Variants in SPATA3 observed in about 807,000 individuals in gnomAD.
The protein encoded by SPATA3 is spermatogenesis-associated protein 3.
A neutral mutation model predicts 5.7 loss-of-function variants in SPATA3; 6 were observed. That is an observed-to-expected ratio of 1.06 (90% CI 0.58 to 2.09). The LOEUF is 2.09. Among genes scored for constraint, SPATA3 ranks in the 30% most tolerant of loss-of-function variants. The pLI is 0.00. For missense variants in SPATA3, 155 were observed against 130.4 expected (o/e 1.19, Z -0.92); for synonymous variants, 44 against 48.4 (o/e 0.91, Z 0.37).
chr2:231,012,421 C>A (rs1318351633), intron 4 of SPATA3, among the ~76,000 whole-genome samples: 1 of 152,130 alleles, frequency 6.6e-6, no homozygotes, highest in Non-Finnish European at 1.5e-5. Context: ...CTCTGTTCTG[C>A]CCTTCTCCTG....
At chr2:231,008,717 T>C (rs895443164), downstream of SPATA3, among the ~76,000 whole-genome samples, 2 of 152,210 alleles carry the variant, frequency 1.3e-5, no homozygotes, top group Non-Finnish European at 2.9e-5. Context: ...TTCTGGCATA[T>C]TGAGGTCCCC....
In SPATA3 at chr2:231,019,546, G is replaced by A. The variant is rs111345654; in HGVS notation, c.*566-174G>A. On this transcript the variant is annotated intron_variant, in intron 6 of 8. Transcript: ENST00000452881. Reference sequence around the variant, plus strand: ...TCACCGTGTTAGCCGGGATGGTCTCGATCTCCTGACCTCGTGATTCACCCA... The same window carrying A: ...TCACCGTGTTAGCCGGGATGGTCTCAATCTCCTGACCTCGTGATTCACCCA... Among the ~76,000 whole-genome samples, 173 of 150,310 alleles carry A rather than the reference G, an allele frequency of 1.2e-3. 1 individual carries two copies. The highest frequency in any genetic ancestry group is 4.6e-3 in the East Asian group (22 of 4,824).
downstream of SPATA3, among the ~76,000 whole-genome samples, chr2:231,003,254 C>A (rs1336449316): frequency 6.6e-6 from 1 of 152,268 alleles, no homozygotes; most frequent in Non-Finnish European, 1.5e-5. Context: ...TTCTCAACCC[C>A]TGTCCTCTCC....
rs186575948 is a variant in SPATA3 at position 231,018,705 on chromosome 2, T to C, written c.*566-1015T>C. ...TTGGTTTTTCTTTTTTTTTTTGAGG[T>C]GGAGTCATCTTGCTCTGTCACCCAG... On this transcript the variant is annotated intron_variant, in intron 6 of 8. Coordinates refer to the SPATA3 transcript ENST00000452881. Among the ~76,000 whole-genome samples, 838 of 151,792 alleles carry C rather than the reference T, an allele frequency of 5.5e-3. 6 individuals carry two copies. The highest frequency in any genetic ancestry group is 0.019 in the African/African-American group (787 of 41,368).
At chr2:231,020,077 T>A (rs1693038503) in intron 7 of SPATA3, among the ~76,000 whole-genome samples, 1 of 150,458 alleles carries the variant, frequency 6.6e-6, no homozygotes, top group African/African-American at 2.4e-5. Flanking sequence ...TGAACTCATA[T>A]CTCAGGAAGA....
intron 7 of SPATA3, chr2:231,019,970 T>G (rs974688177): frequency 2.0e-5 from 3 of 150,176 alleles, no homozygotes; most frequent in Non-Finnish European, 4.4e-5. Context: ...ATGAAGTTGT[T>G]CTCTGAAGTT....
At chr2:231,001,193 T>C (rs539517526) in intron 2 of SPATA3, among the ~76,000 whole-genome samples, 7 of 152,204 alleles carry the variant, frequency 4.6e-5, no homozygotes, top group Admixed American at 3.9e-4. Context: ...AGGAGCAGTG[T>C]CATGGCTGCC....
downstream of SPATA3, among the ~76,000 whole-genome samples, chr2:231,004,956 C>G (rs1414187869): frequency 1.4e-5 from 2 of 143,780 alleles, no homozygotes; most frequent in Non-Finnish European, 3.1e-5. Context: ...ACCATTATCA[C>G]CATCATCCTC....
intron 6 of SPATA3, among the ~76,000 whole-genome samples, chr2:231,019,179 C>T (rs938286732): frequency 1.3e-4 from 19 of 151,000 alleles, no homozygotes; most frequent in African/African-American, 3.9e-4. Flanking sequence ...CCATGTTAGC[C>T]AGGATGGTCT....
rs377228718 is a variant in SPATA3 at position 231,013,875 on chromosome 2, G to T, written c.*228G>T. The T allele has an allele frequency of 7.4e-5, 11 of 148,440 alleles. No homozygotes were observed. In the South Asian group the frequency reaches 1.3e-3, roughly 17 times the overall value. The allele number at this position is 148,440 out of a possible 1,614,324, so 9.2% of individuals were successfully genotyped here. A position where few individuals can be genotyped will look rare whatever the true frequency, so the allele number is the denominator to read the frequency against. On this transcript the variant is annotated splice_region_variant and 3_prime_UTR_variant, in exon 6 of 9. Coordinates refer to the SPATA3 transcript ENST00000452881. ...ATTTCTTTTTTTTTTTTTTTTGAGG[G>T]TCTCACTCTGTCACCCAGGTTGGAG...
rs148739765 is a variant in SPATA3, at chr2:230,996,541, T to A, written c.791-3825T>A. On this transcript the variant is annotated intron_variant, in intron 1 of 2. Transcript: ENST00000645363. ...CCTCAATCCAGGAAAGCAGGTGGGC[T>A]GTCTTCTAGCTTCAGCAGTTCCAGC... 729 of 1,551,218 alleles carry A rather than the reference T, an allele frequency of 4.7e-4. 4 individuals are homozygous for A. In the African/African-American group the frequency reaches 9.2e-3, roughly 19 times the overall value.
chr2:231,008,096 G>C (rs991349318), downstream of SPATA3, among the ~76,000 whole-genome samples: 1 of 152,246 alleles, frequency 6.6e-6, no homozygotes, highest in Admixed American at 6.5e-5. Flanking sequence ...ATTGAGGGCA[G>C]CTGAAGCCTG....
At chr2:231,004,301 C>T (rs1692458083), downstream of SPATA3, among the ~76,000 whole-genome samples, 1 of 152,118 alleles carries the variant, frequency 6.6e-6, no homozygotes, top group Non-Finnish European at 1.5e-5. Context: ...CCTCTTGAGC[C>T]TGTTGGGAGA....
intron 1 of SPATA3, among the ~76,000 whole-genome samples, chr2:230,996,875 A>ATACTTCTATTC (rs1692143591): frequency 6.6e-6 from 1 of 152,244 alleles, no homozygotes; most frequent in African/African-American, 2.4e-5. Flanking sequence ...ATGGTTTAGA[A>ATACTTCTATTC]TAAGGGAGGT....
chr2:230,998,559 C>T (rs915533490), intron 1 of SPATA3, among the ~76,000 whole-genome samples: 1 of 152,194 alleles, frequency 6.6e-6, no homozygotes, highest in African/African-American at 2.4e-5. Flanking sequence ...ATACTTCTTC[C>T]AAAGGAATTC....
At chr2:231,015,606 T>C (rs142459529) in intron 6 of SPATA3, among the ~76,000 whole-genome samples, 353 of 152,314 alleles carry the variant, frequency 2.3e-3, no homozygotes, top group African/African-American at 8.2e-3. Context: ...CATGCTTAAC[T>C]CATGCAAAGC....
chr2:231,014,221 A>T (rs1457415344), intron 6 of SPATA3: 1 of 152,180 alleles, frequency 6.6e-6, no homozygotes, highest in Non-Finnish European at 1.5e-5. Flanking sequence ...AGGTAATAGT[A>T]CTCTCATAAA....
chr2:231,000,533 T>G (rs1389013964), exon 2 of SPATA3: 5 of 1,526,442 alleles, frequency 3.3e-6, no homozygotes, highest in Non-Finnish European at 4.4e-6. Context: ...GCTCACCTTC[T>G]ACAGGTTCCA....
chr2:231,007,325 T>C (rs1337291095), downstream of SPATA3: 4 of 152,066 alleles, frequency 2.6e-5, no homozygotes, highest in Non-Finnish European at 4.4e-5. Flanking sequence ...GACATAAAAG[T>C]TGGACTTGGC....
Sources: gnomAD v4.1 joint callset for allele counts (sites outside exome capture counted in the v4.1 genomes callset) on GRCh38, gnomAD v4.1.1 for gene constraint, MANE v1.5 for transcripts, NCBI Gene and HGNC (gene_info 2026-07-23, HGNC 2026-07-21) for gene names.